Variants in MAGI2 observed in about 807,000 individuals in gnomAD.
MAGI2 encodes membrane-associated guanylate kinase, WW and PDZ domain-containing protein 2.
In MAGI2, 35 loss-of-function variants were observed where a neutral mutation model predicts 133.3. That is an observed-to-expected ratio of 0.26 (90% CI 0.20 to 0.35). The LOEUF (loss-of-function observed/expected upper bound fraction) is 0.35. Ranked by LOEUF, MAGI2 falls within the 10% of genes least tolerant of loss-of-function variation. MAGI2 has a pLI of 1.00. For missense variants in MAGI2, 1,636 were observed against 1,863.4 expected (o/e 0.88, Z 2.25); for synonymous variants, 729 against 710.6 (o/e 1.03, Z -0.41).
intron 1 of MAGI2, among the ~76,000 whole-genome samples, chr7:79,028,210 C>CA (rs11293261): frequency 4.3e-5 from 5 of 117,476 alleles, no homozygotes; most frequent in African/African-American, 1.7e-4. Context: ...GACTCCATCT[C>CA]AAAAAAATAT....
At chr7:79,096,114 A>G (rs1817489687) in intron 1 of MAGI2, among the ~76,000 whole-genome samples, 1 of 152,092 alleles carries the variant, frequency 6.6e-6, no homozygotes, top group African/African-American at 2.4e-5. Flanking sequence ...GTGCTGTAGG[A>G]GCCTGACCTC....
chr7:79,187,131 G>A (rs950242419), intron 1 of MAGI2, among the ~76,000 whole-genome samples: 1 of 151,396 alleles, frequency 6.6e-6, no homozygotes, highest in South Asian at 2.1e-4. Flanking sequence ...TAACAGAGAT[G>A]ATTTGAAAAT....
chr7:78,447,105 C>G (rs908190170), intron 6 of MAGI2, among the ~76,000 whole-genome samples: 1 of 152,028 alleles, frequency 6.6e-6, no homozygotes, highest in Non-Finnish European at 1.5e-5. Flanking sequence ...CAGGATAATA[C>G]TTGGTATTAA....
At chr7:79,434,668 A>G (rs535985694) in intron 1 of MAGI2, among the ~76,000 whole-genome samples, 2 of 152,256 alleles carry the variant, frequency 1.3e-5, no homozygotes, top group Non-Finnish European at 2.9e-5. Context: ...TCAAAGATGG[A>G]GCTGTAGGTA....
At chr7:78,626,825 AATGTGTGT>A (rs1563261767) in intron 3 of MAGI2, among the ~76,000 whole-genome samples, 1 of 59,962 alleles carries the variant, frequency 1.7e-5, no homozygotes. Context: ...AGAATACTTC[AATGTGTGT>A]GTGTGTGTGT....
chr7:78,572,660 T>A, intron 3 of MAGI2, among the ~76,000 whole-genome samples: 1 of 151,922 alleles, frequency 6.6e-6, no homozygotes, highest in East Asian at 1.9e-4. Context: ...ACTTTTATAT[T>A]TATTTATTTA....
intron 1 of MAGI2, among the ~76,000 whole-genome samples, chr7:79,367,101 A>G (rs1358238448): frequency 6.6e-6 from 1 of 152,212 alleles, no homozygotes. Context: ...GCAAGTCAAA[A>G]AAGAGCGTAA....
intron 2 of MAGI2, among the ~76,000 whole-genome samples, chr7:78,706,296 A>G (rs1225659148): frequency 6.6e-6 from 1 of 152,010 alleles, no homozygotes; most frequent in Non-Finnish European, 1.5e-5. Context: ...CGAAAAGTTT[A>G]TCAGGGGTTT....
chr7:79,180,507 C>G (rs192202492), intron 1 of MAGI2, among the ~76,000 whole-genome samples: 3 of 152,130 alleles, frequency 2.0e-5, no homozygotes, highest in East Asian at 1.9e-4. Flanking sequence ...TATTCACCAT[C>G]ATGAGAACAC....
chr7:78,698,750 C>T (rs1256970148), intron 2 of MAGI2, among the ~76,000 whole-genome samples: 2 of 152,078 alleles, frequency 1.3e-5, no homozygotes, highest in Non-Finnish European at 2.9e-5. Context: ...TCCTTTTTCA[C>T]GTGGCAGTGC....
At chr7:78,923,686 T>C (rs1022610359) in intron 2 of MAGI2, among the ~76,000 whole-genome samples, 3 of 152,188 alleles carry the variant, frequency 2.0e-5, no homozygotes, top group Non-Finnish European at 2.9e-5. Flanking sequence ...GGCTCTTTTT[T>C]GGTTCCATGT....
At chr7:78,491,420 C>T (rs1793591971) in intron 5 of MAGI2, among the ~76,000 whole-genome samples, 2 of 152,034 alleles carry the variant, frequency 1.3e-5, no homozygotes, top group African/African-American at 4.8e-5. Context: ...GAAGAAGACG[C>T]CATTTTATTT....
chr7:79,193,084 A>C (rs899430057), intron 1 of MAGI2, among the ~76,000 whole-genome samples: 1 of 151,878 alleles, frequency 6.6e-6, no homozygotes, highest in Non-Finnish European at 1.5e-5. Flanking sequence ...AAGTGCTGGG[A>C]TTACAGGTGT....
intron 1 of MAGI2, among the ~76,000 whole-genome samples, chr7:79,351,487 T>A (rs1015144735): frequency 1.2e-4 from 18 of 152,160 alleles, no homozygotes; most frequent in African/African-American, 3.9e-4. Context: ...CTTCATATTT[T>A]ATGCATGCAG....
intron 1 of MAGI2, among the ~76,000 whole-genome samples, chr7:79,106,405 C>T (rs967162893): frequency 6.6e-6 from 1 of 152,024 alleles, no homozygotes; most frequent in African/African-American, 2.4e-5. Flanking sequence ...GTATTTTATG[C>T]ATTTTTCAAA....
At chr7:79,138,022 T>C (rs1407663399) in intron 1 of MAGI2, among the ~76,000 whole-genome samples, 1 of 152,140 alleles carries the variant, frequency 6.6e-6, no homozygotes, top group Non-Finnish European at 1.5e-5. Context: ...TGGAAGGGAC[T>C]GCAGGCCAAG....
At chr7:78,497,766 T>TCTGTCTGTCTGTCTG (rs1385517709) in intron 5 of MAGI2, among the ~76,000 whole-genome samples, 22 of 135,378 alleles carry the variant, frequency 1.6e-4, no homozygotes, top group Admixed American at 3.0e-4. Context: ...CTATCTATCT[T>TCTGTCTGTCTGTCTG]TCTATCTTAT....
At chr7:78,235,837 A>G (rs1790475324) in intron 10 of MAGI2, among the ~76,000 whole-genome samples, 1 of 152,034 alleles carries the variant, frequency 6.6e-6, no homozygotes. Flanking sequence ...AACATTGAGA[A>G]CCCTGGGGTT....
chr7:78,090,348 C>G (rs776369860), intron 20 of MAGI2, among the ~76,000 whole-genome samples: 5 of 152,194 alleles, frequency 3.3e-5, no homozygotes, highest in African/African-American at 4.8e-5. Flanking sequence ...TTTGTATCTT[C>G]TAGTAGTAGC....
Sources: gnomAD v4.1 joint callset for allele counts (sites outside exome capture counted in the v4.1 genomes callset) on GRCh38, gnomAD v4.1.1 for gene constraint, MANE v1.5 for transcripts, NCBI Gene and HGNC (gene_info 2026-07-23, HGNC 2026-07-21) for gene names.